Variants in KLF12 observed in about 807,000 individuals in gnomAD.
KLF12 encodes Krueppel-like factor 12.
KLF12 carries 9 observed loss-of-function variants against 37.8 expected under a neutral mutation model. The ratio of observed to expected loss-of-function variants is 0.24; its 90% CI spans 0.14 to 0.42. The LOEUF (loss-of-function observed/expected upper bound fraction) is 0.42. KLF12 is among the 10% of genes least tolerant of loss of function. The pLI is 1.00. For missense variants in KLF12, 411 were observed against 516.0 expected (o/e 0.80, Z 1.97); for synonymous variants, 208 against 202.1 (o/e 1.03, Z -0.25).
chr13:74,142,019 C>A, the KLF12 span, among the ~76,000 whole-genome samples: 1 of 152,196 alleles, frequency 6.6e-6, no homozygotes, highest in Admixed American at 6.5e-5. Flanking sequence ...TATTGGCCAT[C>A]ATTTTAAGGA....
intron 3 of KLF12, among the ~76,000 whole-genome samples, chr13:73,915,096 G>A (rs953483279): frequency 1.3e-5 from 2 of 152,084 alleles, no homozygotes; most frequent in Admixed American, 6.6e-5. Flanking sequence ...GCCTCTCCCA[G>A]CTTCCAGTGG....
chr13:74,080,516 T>C (rs948837987), intron 1 of KLF12, among the ~76,000 whole-genome samples: 19 of 146,334 alleles, frequency 1.3e-4, no homozygotes, highest in African/African-American at 4.2e-4. Context: ...ATGGTTAAGA[T>C]GGTCCAAAAG....
chr13:73,799,021 T>C (rs1882143228), intron 5 of KLF12, among the ~76,000 whole-genome samples: 1 of 152,158 alleles, frequency 6.6e-6, no homozygotes, highest in Non-Finnish European at 1.5e-5. Context: ...TAAATGTCCA[T>C]CAGTGACAGA....
At chr13:74,122,767 A>C (rs930022162) in intron 1 of KLF12, among the ~76,000 whole-genome samples, 1 of 152,060 alleles carries the variant, frequency 6.6e-6, no homozygotes, top group Non-Finnish European at 1.5e-5. Flanking sequence ...AAAAAAAGAT[A>C]AAAGAGTTTC....
At chr13:73,802,016 T>A (rs552469857) in intron 5 of KLF12, 1 of 152,062 alleles carries the variant, frequency 6.6e-6, no homozygotes, top group African/African-American at 2.4e-5. Flanking sequence ...CTTAACCCAA[T>A]AGTTTCCAAG....
intron 3 of KLF12, among the ~76,000 whole-genome samples, chr13:73,854,503 C>CA (rs1262080246): frequency 6.6e-6 from 1 of 152,200 alleles, no homozygotes; most frequent in Admixed American, 6.5e-5. Context: ...AAAACTCCTA[C>CA]ACAGGATAAA....
chr13:74,204,986 C>T, the KLF12 span, among the ~76,000 whole-genome samples: 3 of 152,098 alleles, frequency 2.0e-5, no homozygotes, highest in Admixed American at 6.6e-5. Context: ...ATGCTGATAG[C>T]AGAAAATGAC....
At chr13:74,236,279 AT>A in the KLF12 span, among the ~76,000 whole-genome samples, 4 of 99,028 alleles carry the variant, frequency 4.0e-5, no homozygotes, top group South Asian at 7.4e-4. Context: ...TGAACTCATC[AT>A]TTTTTATGGC....
chr13:73,875,739 G>T (rs1200269145), intron 3 of KLF12, among the ~76,000 whole-genome samples: 2 of 152,034 alleles, frequency 1.3e-5, no homozygotes, highest in East Asian at 3.9e-4. Context: ...TACATTTGAT[G>T]AATTGTGCTT....
chr13:74,244,206 C>G, the KLF12 span, among the ~76,000 whole-genome samples: 1 of 152,172 alleles, frequency 6.6e-6, no homozygotes, highest in Non-Finnish European at 1.5e-5. Flanking sequence ...TTCACCTGGA[C>G]TTCCCTCCAG....
the KLF12 span, among the ~76,000 whole-genome samples, chr13:74,186,507 G>GTGATGC: frequency 6.6e-6 from 1 of 152,046 alleles, no homozygotes; most frequent in South Asian, 2.1e-4. Context: ...TCTCAAAGGG[G>GTGATGC]TGATGCTGGA....
At chr13:73,820,988 T>A (rs1044177390) in intron 4 of KLF12, among the ~76,000 whole-genome samples, 1 of 152,240 alleles carries the variant, frequency 6.6e-6, no homozygotes, top group Admixed American at 6.5e-5. Context: ...ATTTACTTCA[T>A]ATCTGGCATC....
chr13:74,183,157 A>G, the KLF12 span, among the ~76,000 whole-genome samples: 7 of 152,178 alleles, frequency 4.6e-5, no homozygotes, highest in Non-Finnish European at 7.4e-5. Context: ...TTGAGTGTCT[A>G]CTATGTACCT....
At chr13:74,021,159 T>C (rs1184864887) in intron 1 of KLF12, among the ~76,000 whole-genome samples, 2 of 152,138 alleles carry the variant, frequency 1.3e-5, no homozygotes, top group African/African-American at 4.8e-5. Flanking sequence ...GCATTTTGAA[T>C]TAAACCAAAA....
chr13:73,984,331 C>T (rs779755664), intron 2 of KLF12, among the ~76,000 whole-genome samples: 44 of 152,324 alleles, frequency 2.9e-4, no homozygotes, highest in Non-Finnish European at 5.7e-4. Flanking sequence ...CACACACTGT[C>T]GCCTATGTGC....
the KLF12 span, among the ~76,000 whole-genome samples, chr13:74,245,444 T>C: frequency 2.6e-5 from 4 of 152,056 alleles, no homozygotes; most frequent in African/African-American, 9.7e-5. Context: ...GAGAAATTGT[T>C]GCATGGAAAA....
In KLF12 at chr13:74,083,541, A is replaced by AC. The variant is rs1566204110; in HGVS notation, c.-32+50197_-32+50198insG. ...ACACACACACACACACACACACACAAACATTTAATACATTCTCATGTACAA... is the reference window on the plus strand; with the variant it reads ...ACACACACACACACACACACACACAACACATTTAATACATTCTCATGTACAA... On this transcript the variant is annotated intron_variant, in intron 1 of 7. Coordinates refer to ENST00000377669, the MANE Select transcript of KLF12 (RefSeq NM_007249.5). Among the ~76,000 whole-genome samples, 26 of 125,008 alleles carry AC rather than the reference A, an allele frequency of 2.1e-4. 1 individual carries two copies. The highest frequency in any genetic ancestry group is 6.7e-4 in the African/African-American group (21 of 31,340). 82.0% of individuals were successfully genotyped at this position (125,008 alleles called of 152,430 possible). A position where few individuals can be genotyped will look rare whatever the true frequency, so the allele number is the denominator to read the frequency against.
chr13:74,282,604 G>C, the KLF12 span, among the ~76,000 whole-genome samples: 1 of 152,174 alleles, frequency 6.6e-6, no homozygotes, highest in Non-Finnish European at 1.5e-5. Context: ...GAGGCTGTGT[G>C]ATGGAAATTC....
chr13:74,076,256 C>T (rs1874555712), intron 1 of KLF12, among the ~76,000 whole-genome samples: 1 of 152,128 alleles, frequency 6.6e-6, no homozygotes, highest in Admixed American at 6.5e-5. Context: ...AATTGCACAT[C>T]TTAGTGCATT....
Sources: gnomAD v4.1 joint callset for allele counts (sites outside exome capture counted in the v4.1 genomes callset) on GRCh38, gnomAD v4.1.1 for gene constraint, MANE v1.5 for transcripts, NCBI Gene and HGNC (gene_info 2026-07-23, HGNC 2026-07-21) for gene names.